Variants in EPHA6 observed in about 807,000 individuals in gnomAD.
EPHA6 encodes the protein ephrin type-A receptor 6.
A neutral mutation model predicts 112.0 loss-of-function variants in EPHA6; 50 were observed. The ratio of observed to expected loss-of-function variants is 0.45; its 90% CI spans 0.36 to 0.56. The LOEUF (loss-of-function observed/expected upper bound fraction) is 0.56, where lower values mean the gene tolerates loss of function less well. EPHA6 is among the 20% of genes least tolerant of loss of function. EPHA6 has a pLI of 0.00. For missense variants in EPHA6, 1,280 were observed against 1,417.4 expected, an observed-to-expected ratio of 0.90 and a Z score of 1.56; for synonymous variants, 529 against 490.7, an observed-to-expected ratio of 1.08 and a Z score of -1.03.
In EPHA6 at chr3:97,244,019, C is replaced by T. The variant is rs2078919398; in HGVS notation, c.1338C>T (p.Ser446=). 2 of 1,612,140 alleles carry T rather than the reference C, an allele frequency of 1.2e-6. No individual in the cohort carries two copies. The highest frequency in any genetic ancestry group is 1.1e-5 in the South Asian group (1 of 90,996). The change falls in exon 5 of 18, where the codon AGC becomes AGT. Residue 446 remains serine (S), a synonymous_variant. Transcript: ENST00000389672. ...INETALILEW[S]PPSDTGGRKD... is the part of the protein sequence containing the mutation. ...AAACAGCCCTTATTTTGGAATGGAG[C>T]CCACCAAGTGACACAGGAGGGAGAA...
intron 5 of EPHA6, among the ~76,000 whole-genome samples, chr3:97,392,204 A>G (rs1475200659): frequency 2.0e-5 from 3 of 151,892 alleles, no homozygotes; most frequent in Admixed American, 2.0e-4. Flanking sequence ...AGAATATGAC[A>G]TGAGTTAAGA....
chr3:97,417,370 G>T (rs1385638033), intron 6 of EPHA6, among the ~76,000 whole-genome samples: 3 of 151,920 alleles, frequency 2.0e-5, no homozygotes, highest in South Asian at 4.1e-4. Flanking sequence ...ATAAATGATT[G>T]TATGAATGAA....
At chr3:97,447,704 C>T (rs188013558) in intron 6 of EPHA6, 1 of 971,008 alleles carries the variant, frequency 1.0e-6, no homozygotes, top group East Asian at 7.2e-5. Context: ...ATGTAACAAA[C>T]CCTGACTGTC....
chr3:97,265,425 C>T (rs968680256), intron 5 of EPHA6, among the ~76,000 whole-genome samples: 1 of 152,162 alleles, frequency 6.6e-6, no homozygotes, highest in African/African-American at 2.4e-5. Context: ...CAGAGGGGTC[C>T]GAGGTGGCAA....
intron 3 of EPHA6, among the ~76,000 whole-genome samples, chr3:97,070,788 A>C (rs370679856): frequency 4.6e-5 from 7 of 152,086 alleles, no homozygotes; most frequent in African/African-American, 1.7e-4. Context: ...TAATTTGTTG[A>C]GGGAAGAGAA....
At chr3:97,490,633 A>G (rs6792809) in intron 10 of EPHA6, among the ~76,000 whole-genome samples, 10,370 of 152,252 alleles carry the variant, frequency 0.068, 1,104 homozygotes, top group African/African-American at 0.23. Flanking sequence ...GTTCTTTCTT[A>G]TGGCTAAGAA....
intron 13 of EPHA6, among the ~76,000 whole-genome samples, chr3:97,618,932 A>C (rs2093789320): frequency 6.6e-6 from 1 of 152,120 alleles, no homozygotes; most frequent in Admixed American, 6.6e-5. Context: ...CATCTTCCTG[A>C]TACCAAAACC....
At chr3:96,902,076 A>G (rs1439405347) in intron 2 of EPHA6, among the ~76,000 whole-genome samples, 7 of 152,176 alleles carry the variant, frequency 4.6e-5, no homozygotes, top group Non-Finnish European at 1.5e-5. Context: ...TCAGCCTATT[A>G]TGTTGCTAAT....
intron 6 of EPHA6, among the ~76,000 whole-genome samples, chr3:97,434,356 A>T (rs1322181624): frequency 6.6e-6 from 1 of 152,144 alleles, no homozygotes; most frequent in Non-Finnish European, 1.5e-5. Context: ...CAACATAGTA[A>T]GCAGTATGAA....
intron 15 of EPHA6, among the ~76,000 whole-genome samples, chr3:97,726,743 T>C (rs1349802840): frequency 6.6e-6 from 1 of 152,102 alleles, no homozygotes; most frequent in Non-Finnish European, 1.5e-5. Flanking sequence ...ATTGTAATGC[T>C]GGAACTACAC....
rs140163833 is a variant in EPHA6 at position 97,635,289 on chromosome 3, T to G, written c.2575-2584T>G. Among the ~76,000 whole-genome samples the G allele has an allele frequency of 2.6e-3, 390 of 152,218 alleles. 2 individuals carry two copies. Among genetic ancestry groups the G allele is most frequent in the African/African-American group, 8.7e-3 (363 of 41,564 alleles). On this transcript the variant is annotated intron_variant, in intron 13 of 17. Coordinates refer to ENST00000389672, the MANE Select transcript of EPHA6 (RefSeq NM_001080448.3). Reference sequence around the variant, plus strand: ...TTTAAAATGATACCACTTACCATTATTAGAACCGTTATTACCATGATGATT... The same window carrying G: ...TTTAAAATGATACCACTTACCATTAGTAGAACCGTTATTACCATGATGATT...
chr3:97,377,301 C>T (rs571714070), intron 5 of EPHA6, among the ~76,000 whole-genome samples: 9 of 152,242 alleles, frequency 5.9e-5, no homozygotes, highest in African/African-American at 2.2e-4. Context: ...TTCCTCTTGC[C>T]ACCACCATAT....
At chr3:97,089,590 C>T (rs1446489742) in intron 3 of EPHA6, among the ~76,000 whole-genome samples, 1 of 152,120 alleles carries the variant, frequency 6.6e-6, no homozygotes, top group Non-Finnish European at 1.5e-5. Context: ...ACATTGTTTT[C>T]AAAAGGAGCT....
At chr3:97,320,170 G>T (rs1016337239) in intron 5 of EPHA6, among the ~76,000 whole-genome samples, 9 of 151,770 alleles carry the variant, frequency 5.9e-5, no homozygotes, top group Admixed American at 1.3e-4. Context: ...TCTTATTTTA[G>T]CCAGAGAACA....
chr3:97,678,943 CTCTA>C (rs763482536), intron 14 of EPHA6, among the ~76,000 whole-genome samples: 4 of 152,156 alleles, frequency 2.6e-5, no homozygotes, highest in Admixed American at 6.6e-5. Context: ...CAATCTGAAA[CTCTA>C]TCTTTTAATA....
chr3:97,007,382 T>G (rs1000352140), intron 3 of EPHA6, among the ~76,000 whole-genome samples: 2 of 152,110 alleles, frequency 1.3e-5, no homozygotes, highest in African/African-American at 4.8e-5. Flanking sequence ...TTTTTTGATC[T>G]CTGTTGGTTT....
At chr3:97,274,850 G>A (rs972390660) in intron 5 of EPHA6, among the ~76,000 whole-genome samples, 1 of 152,178 alleles carries the variant, frequency 6.6e-6, no homozygotes, top group Non-Finnish European at 1.5e-5. Context: ...AATAATGTGG[G>A]AGGCCGGATT....
chr3:97,706,789 GTT>G (rs560962263), intron 14 of EPHA6, among the ~76,000 whole-genome samples: 30 of 136,450 alleles, frequency 2.2e-4, no homozygotes, highest in African/African-American at 5.2e-4. Context: ...TTGTTTTGTT[GTT>G]TTTTTTTTTT....
At chr3:96,848,584 C>CA (rs555319276) in intron 1 of EPHA6, among the ~76,000 whole-genome samples, 118 of 152,134 alleles carry the variant, frequency 7.8e-4, no homozygotes, top group Admixed American at 2.2e-3. Context: ...GAGATCTCAC[C>CA]ACTGCACCCC....
Sources: gnomAD v4.1 joint callset for allele counts (sites outside exome capture counted in the v4.1 genomes callset) on GRCh38, gnomAD v4.1.1 for gene constraint, MANE v1.5 for transcripts, NCBI Gene and HGNC (gene_info 2026-07-23, HGNC 2026-07-21) for gene names.